The following TRPC1 variants were observed in gnomAD, a reference collection of about 807,000 sequenced individuals.
The protein encoded by TRPC1 is transient receptor potential cation channel subfamily C member 1.
A neutral mutation model predicts 88.2 loss-of-function variants in TRPC1; 42 were observed. The observed-to-expected ratio is 0.48, with a 90% CI of 0.37 to 0.62. The LOEUF is 0.62. Ranked by LOEUF, TRPC1 falls within the 20% of genes least tolerant of loss-of-function variation. The probability of loss-of-function intolerance (pLI) is 0.00; values close to 1 mark genes in which losing one functional copy is unlikely to be tolerated. For missense variants in TRPC1, 699 were observed against 957.3 expected (o/e 0.73, Z 3.56); for synonymous variants, 288 against 331.8 (o/e 0.87, Z 1.43).
chr3:142,781,332 G>T (rs1460659105), intron 6 of TRPC1, among the ~76,000 whole-genome samples: 1 of 152,112 alleles, frequency 6.6e-6, no homozygotes, highest in Non-Finnish European at 1.5e-5. Flanking sequence ...TAATGTTTTT[G>T]CTAAATAGTT....
At chr3:142,745,207 A>G (rs1332598479) in intron 3 of TRPC1, among the ~76,000 whole-genome samples, 2 of 152,188 alleles carry the variant, frequency 1.3e-5, no homozygotes, top group African/African-American at 4.8e-5. Context: ...TCTGCCACTT[A>G]TCTTGCAGTT....
rs544905173 is a variant in TRPC1 at position 142,747,799 on chromosome 3, T to C, written c.430-459T>C. ...TGCCCTTTTCAAGTAGCTGCATTGC[T>C]GTCAATGTGATAAGGTTTGCCATAG... On this transcript the variant is annotated intron_variant, in intron 3 of 12. Coordinates refer to ENST00000476941, the MANE Select transcript of TRPC1 (RefSeq NM_001251845.2). 5.9e-5 allele frequency among the ~76,000 whole-genome samples: 9 copies of C among 152,362 alleles called. No individual in the cohort carries two copies. The South Asian group carries it at 1.9e-3, about 32-fold the overall frequency.
Position 142,802,273 on chromosome 3 carries a change from A to G in TRPC1, c.1686A>G (p.Gly562=), listed in dbSNP as rs1936641884. The G allele has an allele frequency of 1.3e-6, 2 of 1,599,940 alleles. No individual in the cohort carries two copies. Among genetic ancestry groups the G allele is most frequent in the Non-Finnish European group, 1.7e-6 (2 of 1,174,316 alleles). ...GACTGACACAACTGTATGATAAAGG[A>G]TATACTTCAAAGGAGCAGAAGGACT... The part of the protein sequence containing the change: ...TIGLTQLYDK[G]YTSKEQKDCV... The change falls in exon 10 of 13, where the codon GGA becomes GGG. Residue 562 remains glycine, a synonymous_variant. Transcript: ENST00000476941.
chr3:142,772,544 C>T (rs757532121), intron 4 of TRPC1, among the ~76,000 whole-genome samples: 42 of 152,110 alleles, frequency 2.8e-4, no homozygotes, highest in Non-Finnish European at 5.7e-4. Flanking sequence ...TCTTGTAATC[C>T]CAGCACTTCA....
At chr3:142,799,692 A>G (rs73232714) in intron 9 of TRPC1, among the ~76,000 whole-genome samples, 16,202 of 152,116 alleles carry the variant, frequency 0.11, 1,034 homozygotes, top group Non-Finnish European at 0.15. Flanking sequence ...CTAGTTTCTC[A>G]TGAGGCTTGA....
chr3:142,796,520 A>G (rs1380480953), intron 9 of TRPC1, among the ~76,000 whole-genome samples: 1 of 151,818 alleles, frequency 6.6e-6, no homozygotes, highest in African/African-American at 2.4e-5. Context: ...GCCCTCTCTC[A>G]GGTCCCACAT....
At chr3:142,775,230 C>T (rs1935726138) in intron 4 of TRPC1, among the ~76,000 whole-genome samples, 2 of 151,966 alleles carry the variant, frequency 1.3e-5, no homozygotes, top group African/African-American at 4.8e-5. Context: ...AGACATTAAA[C>T]CTATAAGCTA....
Position 142,804,097 on chromosome 3 carries a change from T to C in TRPC1, c.1878T>C (p.Val626=), listed in dbSNP as rs746145573. The C allele has an allele frequency of 1.2e-6, 2 of 1,613,944 alleles. No individual in the cohort carries two copies. The highest frequency in any genetic ancestry group is 1.7e-5 in the Admixed American group (1 of 59,966). Residue 626 remains valine, a synonymous_variant, in exon 11 of 13, where the codon GTT becomes GTC. Transcript: ENST00000476941. The part of the protein sequence containing the change: ...ELQSFVGAVI[V]GTYNVVVVIV... ...AGTCCTTTGTGGGAGCTGTCATTGT[T>C]GGTACATACAATGTCGTGGTTGTGA...
At chr3:142,725,417 A>G (rs111773412) in intron 1 of TRPC1, among the ~76,000 whole-genome samples, 4 of 152,300 alleles carry the variant, frequency 2.6e-5, no homozygotes, top group Non-Finnish European at 4.4e-5. Context: ...TTGCTCCCAG[A>G]TCTTTCTTTG....
rs1390626207 is a variant in TRPC1 at position 142,778,818 on chromosome 3, G to GA, written c.764+1056dup. On this transcript the variant is annotated intron_variant, in intron 5 of 12. Coordinates refer to ENST00000476941, the MANE Select transcript of TRPC1 (RefSeq NM_001251845.2). ...TACTTAATGTGTTCTTCATAGACCT[G>GA]AGTTCCAGAAACTGAAAAAAGACCT... Among the ~76,000 whole-genome samples the GA allele has an allele frequency of 2.0e-3, 305 of 152,218 alleles. 1 individual carries two copies. Among genetic ancestry groups the GA allele is most frequent in the African/African-American group, 7.1e-3 (297 of 41,542 alleles).
chr3:142,733,550 A>G (rs1356506291), intron 1 of TRPC1, among the ~76,000 whole-genome samples: 1 of 152,110 alleles, frequency 6.6e-6, no homozygotes, highest in Non-Finnish European at 1.5e-5. Context: ...GGAATATATG[A>G]TATTTGTAAT....
chr3:142,736,307 A>G, intron 1 of TRPC1, 72 bp from the exon 2 acceptor site: 1 of 1,190,712 alleles, frequency 8.4e-7, no homozygotes, highest in Non-Finnish European at 1.1e-6. Context: ...TCAACAAGCT[A>G]AGTTTTTCTT....
chr3:142,751,385 G>A (rs1316997848), intron 4 of TRPC1, among the ~76,000 whole-genome samples: 1 of 152,094 alleles, frequency 6.6e-6, no homozygotes, highest in Non-Finnish European at 1.5e-5. Context: ...GTTACCTACG[G>A]TATTTAGCAT....
chr3:142,735,674 C>G (rs1934105412), intron 1 of TRPC1, among the ~76,000 whole-genome samples: 1 of 152,140 alleles, frequency 6.6e-6, no homozygotes, highest in Admixed American at 6.5e-5. Context: ...GGCAATTTGC[C>G]TGCTCCTAAC....
chr3:142,761,569 A>G (rs531441617), intron 4 of TRPC1, among the ~76,000 whole-genome samples: 11 of 152,288 alleles, frequency 7.2e-5, no homozygotes, highest in African/African-American at 2.6e-4. Flanking sequence ...TTTTGGTATC[A>G]GGGTAATGCT....
intron 9 of TRPC1, among the ~76,000 whole-genome samples, chr3:142,799,100 A>G (rs1936533705): frequency 6.6e-6 from 1 of 152,148 alleles, no homozygotes; most frequent in South Asian, 2.1e-4. Context: ...AAATAGTTTC[A>G]CTACATTAAT....
At chr3:142,738,008 A>G (rs761975282) in intron 2 of TRPC1, among the ~76,000 whole-genome samples, 7 of 152,206 alleles carry the variant, frequency 4.6e-5, no homozygotes, top group Non-Finnish European at 1.0e-4. Flanking sequence ...AAGAATTACT[A>G]TGGTATTATA....
chr3:142,767,120 C>A lies in TRPC1; in HGVS notation c.633-10512C>A, dbSNP rs1185477746. 6.6e-6 allele frequency among the ~76,000 whole-genome samples: 1 copy of A among 152,114 alleles called. No individual in the cohort carries two copies. The highest frequency in any genetic ancestry group is 2.4e-5 in the African/African-American group (1 of 41,438). On this transcript the variant is annotated intron_variant, in intron 4 of 12. Coordinates refer to ENST00000476941, the MANE Select transcript of TRPC1 (RefSeq NM_001251845.2). The surrounding 1 kb of genome is among the most constrained non-coding windows in gnomAD (Gnocchi z 5.1). ...CCATTTAATAGGTTTCATTTAATTTCTCTCAGCAATATTTTGTAATCCCCA... is the reference window on the plus strand; with the variant it reads ...CCATTTAATAGGTTTCATTTAATTTATCTCAGCAATATTTTGTAATCCCCA...
chr3:142,798,584 A>C (rs1240631740), intron 9 of TRPC1, among the ~76,000 whole-genome samples: 1 of 152,188 alleles, frequency 6.6e-6, no homozygotes, highest in Non-Finnish European at 1.5e-5. Flanking sequence ...GTGGAGTCCT[A>C]AAGCATGGTG....
Sources: gnomAD v4.1 joint callset for allele counts (sites outside exome capture counted in the v4.1 genomes callset) on GRCh38, gnomAD v4.1.1 for gene constraint, Gnocchi (gnomAD v3.1) non-coding constraint, MANE v1.5 for transcripts, NCBI Gene and HGNC (gene_info 2026-07-23, HGNC 2026-07-21) for gene names.